The following GATAD2B variants were observed in gnomAD, a reference collection of about 807,000 sequenced individuals.
GATAD2B encodes the protein GATA zinc finger domain containing 2B, also known as transcriptional repressor p66-beta.
GATAD2B carries 8 observed loss-of-function variants against 64.3 expected under a neutral mutation model. That is an observed-to-expected ratio of 0.12 (90% CI 0.07 to 0.22). GATAD2B has a LOEUF of 0.22. GATAD2B is among the 10% of genes least tolerant of loss of function. The pLI is 1.00. For synonymous variants in GATAD2B, 281 were observed against 271.3 expected (o/e 1.04, Z -0.35); for missense variants, 453 against 752.0 (o/e 0.60, Z 4.65).
At chr1:153,914,636 T>C (rs1438311328) in intron 1 of GATAD2B, 1 of 152,156 alleles carries the variant, frequency 6.6e-6, no homozygotes, top group Admixed American at 6.5e-5. Flanking sequence ...AATACAATAG[T>C]AAAAAGACAC....
At chr1:153,915,789 C>T (rs1162974809) in intron 1 of GATAD2B, among the ~76,000 whole-genome samples, 1 of 149,060 alleles carries the variant, frequency 6.7e-6, no homozygotes, top group Non-Finnish European at 1.5e-5. Flanking sequence ...TATTTGCTCA[C>T]ACATTAACTA....
At chr1:153,819,818 G>T (rs1360803324) in intron 2 of GATAD2B, 83 bp from the exon 3 acceptor site, 1 of 1,274,090 alleles carries the variant, frequency 7.8e-7, no homozygotes, top group African/African-American at 1.5e-5. Context: ...TCCAAGGGGG[G>T]CCGGGTGCGG....
intron 1 of GATAD2B, among the ~76,000 whole-genome samples, chr1:153,864,933 A>G (rs1676425714): frequency 6.6e-6 from 1 of 152,074 alleles, no homozygotes; most frequent in African/African-American, 2.4e-5. Flanking sequence ...AGCTGGGCAC[A>G]GTGGCGTGTG....
chr1:153,915,821 G>A (rs1181890163), intron 1 of GATAD2B, among the ~76,000 whole-genome samples: 3 of 151,708 alleles, frequency 2.0e-5, no homozygotes, highest in Admixed American at 2.0e-4. Flanking sequence ...AGTAGGGCTG[G>A]ATAGGAAGGC....
At chr1:153,837,261 G>T (rs954246155) in intron 1 of GATAD2B, among the ~76,000 whole-genome samples, 1 of 152,046 alleles carries the variant, frequency 6.6e-6, no homozygotes, top group African/African-American at 2.4e-5. Context: ...AGGCTGGTGT[G>T]GGAGGAATGC....
intron 1 of GATAD2B, among the ~76,000 whole-genome samples, chr1:153,854,993 T>C (rs1676032692): frequency 6.6e-6 from 1 of 152,166 alleles, no homozygotes; most frequent in Non-Finnish European, 1.5e-5. Flanking sequence ...CTGTTCTAGG[T>C]TAAGAGAGAC....
intron 1 of GATAD2B, chr1:153,852,615 T>C (rs1675941033): frequency 1.3e-6 from 1 of 794,060 alleles, no homozygotes; most frequent in Non-Finnish European, 2.3e-6. Flanking sequence ...ATGCACACTC[T>C]TCCTGGCAAA....
intron 1 of GATAD2B, among the ~76,000 whole-genome samples, chr1:153,891,099 G>A (rs1677373291): frequency 1.3e-5 from 2 of 151,974 alleles, no homozygotes; most frequent in African/African-American, 4.8e-5. Context: ...AAGGAGAACT[G>A]CTTGAACCTG....
At chr1:153,845,463 C>G (rs1057213478) in intron 1 of GATAD2B, among the ~76,000 whole-genome samples, 1 of 151,972 alleles carries the variant, frequency 6.6e-6, no homozygotes, top group Middle Eastern at 3.2e-3. Context: ...AAACATTAGG[C>G]TGGGCGTGGT....
At position 153,809,712 on chromosome 1, in the gene GATAD2B, C is replaced by CAAAAAAAA. The variant is rs796437951; in HGVS notation, c.*457_*464dup. On this transcript the variant is annotated 3_prime_UTR_variant, in exon 11 of 11. Coordinates refer to ENST00000368655, the MANE Select transcript of GATAD2B (RefSeq NM_020699.4). Reference sequence around the variant, plus strand: ...TTGAACTGAATGTCATTTGTGTTTACAAAAAAAAAAAAAAAAAAGGAAGAA... The same window carrying CAAAAAAAA: ...TTGAACTGAATGTCATTTGTGTTTACAAAAAAAAAAAAAAAAAAAAAAAAAAGGAAGAA... 1.4e-5 allele frequency: 1 copy of CAAAAAAAA among 69,332 alleles called. No homozygotes were observed. The allele number at this position is 69,332 out of a possible 1,614,324, so 4.3% of individuals were successfully genotyped here. A position where few individuals can be genotyped will look rare whatever the true frequency, so the allele number is the denominator to read the frequency against.
chr1:153,903,304 T>C (rs1677834706), intron 1 of GATAD2B, among the ~76,000 whole-genome samples: 5 of 151,562 alleles, frequency 3.3e-5, no homozygotes, highest in Admixed American at 3.3e-4. Flanking sequence ...ATCAGAACAA[T>C]TAACTATCAT....
rs191953354 is a variant in GATAD2B at position 153,852,356 on chromosome 1, C to A, written c.-1-24008G>T. ...GCATTGCAGAACACTGAGTAGATGT[C>A]GCCTGCCATCACCCTCATATGCTTG... On this transcript the variant is annotated intron_variant, in intron 1 of 10. Transcript: ENST00000368655. 3.4e-3 allele frequency: 2,981 copies of A among 889,098 alleles called. 46 individuals carry two copies. The highest frequency in any genetic ancestry group is 0.018 in the South Asian group (1,391 of 76,132). The allele number at this position is 889,098 out of a possible 1,614,324, so 55.1% of individuals were successfully genotyped here. A position where few individuals can be genotyped will look rare whatever the true frequency, so the allele number is the denominator to read the frequency against.
intron 1 of GATAD2B, among the ~76,000 whole-genome samples, chr1:153,898,306 CA>C (rs11373311): frequency 1.2e-3 from 93 of 80,774 alleles, no homozygotes; most frequent in African/African-American, 2.4e-3. Context: ...CAGCCTGTCT[CA>C]AAAAAAAAAA....
At chr1:153,868,673 T>C (rs1247172496) in intron 1 of GATAD2B, among the ~76,000 whole-genome samples, 3 of 152,088 alleles carry the variant, frequency 2.0e-5, no homozygotes, top group Admixed American at 1.3e-4. Flanking sequence ...CAATAGTGTT[T>C]ATTAACTACT....
At chr1:153,820,124 C>G (rs540812236) in intron 2 of GATAD2B, among the ~76,000 whole-genome samples, 1 of 150,386 alleles carries the variant, frequency 6.6e-6, no homozygotes, top group Non-Finnish European at 1.5e-5. Context: ...AAAGAATAGT[C>G]TATCCTGTCA....
chr1:153,894,888 G>A (rs995361041), intron 1 of GATAD2B, among the ~76,000 whole-genome samples: 5 of 151,854 alleles, frequency 3.3e-5, no homozygotes, highest in Non-Finnish European at 7.4e-5. Context: ...GCTGGGCGAG[G>A]TGGCTCACAC....
chr1:153,920,709 T>C (rs1480338701), intron 1 of GATAD2B, among the ~76,000 whole-genome samples: 1 of 152,168 alleles, frequency 6.6e-6, no homozygotes, highest in Non-Finnish European at 1.5e-5. Context: ...TAAGGAATAA[T>C]AGGCAGGACA....
chr1:153,852,495 T>C, intron 1 of GATAD2B: 1 of 763,380 alleles, frequency 1.3e-6, no homozygotes, highest in Non-Finnish European at 2.4e-6. Flanking sequence ...TGACTCGATG[T>C]GCTCTGCACA....
At chr1:153,877,320 G>C (rs959061207) in intron 1 of GATAD2B, among the ~76,000 whole-genome samples, 1 of 151,964 alleles carries the variant, frequency 6.6e-6, no homozygotes, top group African/African-American at 2.4e-5. Flanking sequence ...TCCAGCCTGG[G>C]CAACAGAGTG....
Sources: allele counts gnomAD v4.1 joint callset (sites outside exome capture counted in the v4.1 genomes callset), GRCh38; gene constraint gnomAD v4.1.1; transcripts MANE v1.5; gene names NCBI Gene and HGNC (gene_info 2026-07-23, HGNC 2026-07-21).